BOP1: variants seen among roughly 807,000 people sequenced by gnomAD.
BOP1 encodes the protein ribosome biogenesis protein BOP1.
In BOP1, 54 loss-of-function variants were observed where a neutral mutation model predicts 82.9. The observed-to-expected ratio is 0.65, with a 90% confidence interval of 0.52 to 0.82. The LOEUF is 0.82. Ranked by LOEUF, BOP1 falls within the 40% of genes least tolerant of loss-of-function variation. The pLI, the probability that BOP1 is intolerant of heterozygous loss-of-function variation, is 0.00. For synonymous variants in BOP1, 566 were observed against 451.1 expected (o/e 1.25, Z -3.23); for missense variants, 1,170 against 1,072.0 (o/e 1.09, Z -1.28).
intron 2 of BOP1, among the ~76,000 whole-genome samples, chr8:144,284,603 T>C (rs1814814847): frequency 6.6e-6 from 1 of 152,188 alleles, no homozygotes; most frequent in Non-Finnish European, 1.5e-5. Context: ...TAGAACATCC[T>C]GGAAAGAGAC....
intron 2 of BOP1, among the ~76,000 whole-genome samples, chr8:144,278,937 TC>T (rs1237175874): frequency 1.3e-5 from 2 of 152,180 alleles, no homozygotes; most frequent in African/African-American, 4.8e-5. Context: ...CCGAAAAACA[TC>T]CCTTTTTACT....
chr8:144,262,978 G>A lies in BOP1; in HGVS notation c.1769C>T (p.Ala590Val). 2 of 1,551,730 alleles carry A rather than the reference G, an allele frequency of 1.3e-6. No individual in the cohort carries two copies. Among genetic ancestry groups the A allele is most frequent in the Non-Finnish European group, 1.7e-6 (2 of 1,155,742 alleles). The change falls in exon 13 of 16, where the codon GCC (alanine) becomes GTC (valine). Residue 590 changes from alanine (A) to valine (V), a missense_variant. Coordinates refer to ENST00000569669, the MANE Select transcript of BOP1 (RefSeq NM_015201.5). ...GQVQRVAFHP[A>V]RPFLLVASQR... is the part of the protein sequence containing the mutation. ...GGACGCCACCAACAGGAAGGGCCGG[G>A]CAGGGTGGAAGGCCACTCGCTGCAC...
In BOP1 at chr8:144,264,230, C is replaced by T; in HGVS notation, c.973G>A (p.Glu325Lys). Reference protein sequence around the residue: ...NPPPEYLLSEEERLAWEQQEP... With the variant: ...NPPPEYLLSEKERLAWEQQEP... The stretch of plus-strand genomic sequence containing the variant: ...CCCCCAGGATGCAGGCCCACCTCCT[C>T]CTCGCTGAGCAGGTATTCAGGGGGT... The change falls in exon 7 of 16, where the codon GAG (glutamate) becomes AAG (lysine). Residue 325 changes from glutamate to lysine, a missense_variant. Physicochemically the swap from Glu to Lys is moderately conservative, Grantham distance 56 (BLOSUM62 1). Coordinates refer to ENST00000569669, the MANE Select transcript of BOP1 (RefSeq NM_015201.5). 6.2e-7 allele frequency: 1 copy of T among 1,608,148 alleles called. No homozygotes were observed. Among genetic ancestry groups the T allele is most frequent in the Admixed American group, 1.7e-5 (1 of 59,390 alleles).
intron 1 of BOP1, among the ~76,000 whole-genome samples, chr8:144,290,223 G>A (rs997871892): frequency 4.6e-5 from 7 of 151,892 alleles, no homozygotes; most frequent in Admixed American, 1.3e-4. Flanking sequence ...TGGTGGTGGC[G>A]GGCACCTCTA....
intron 3 of BOP1, among the ~76,000 whole-genome samples, chr8:144,273,863 C>CCTCCGCCTGCT (rs1373533704): frequency 1.3e-5 from 2 of 152,100 alleles, no homozygotes; most frequent in African/African-American, 4.8e-5. Context: ...CGCCCGCCTC[C>CCTCCGCCTGCT]CTCCGCCTGC....
chr8:144,267,096 G>GCCCCCGCCGCCT, intron 3 of BOP1: 1 of 1,403,808 alleles, frequency 7.1e-7, no homozygotes, highest in Non-Finnish European at 9.2e-7. Context: ...CCCCGCCGCC[G>GCCCCCGCCGCCT]CCCCCGCCGC....
In BOP1 at chr8:144,265,079, CG is replaced by C. The variant is rs1845329884; in HGVS notation, c.391-9del. 2 of 1,605,682 alleles carry C rather than the reference CG, an allele frequency of 1.2e-6. No homozygotes were observed. Among genetic ancestry groups the C allele is most frequent in the Non-Finnish European group, 1.7e-6 (2 of 1,175,916 alleles). On this transcript the variant is annotated splice_polypyrimidine_tract_variant and intron_variant, in intron 3 of 15. Transcript: ENST00000569669. ...CACCGTGTTCCGGATGTCCTGCAGC[CG>C]GGGGCCACCATGTCGGCATCTGATC...
chr8:144,288,873 G>A (rs1814957446), intron 2 of BOP1, among the ~76,000 whole-genome samples: 1 of 152,248 alleles, frequency 6.6e-6, no homozygotes, highest in Non-Finnish European at 1.5e-5. Flanking sequence ...TGACGGGGAA[G>A]GGCCTAGGCA....
At chr8:144,276,816 C>T (rs1845574139) in intron 2 of BOP1, among the ~76,000 whole-genome samples, 1 of 152,176 alleles carries the variant, frequency 6.6e-6, no homozygotes, top group Admixed American at 6.5e-5. Context: ...GCGGGGGACA[C>T]ACATTGTCCA....
intron 2 of BOP1, among the ~76,000 whole-genome samples, chr8:144,278,505 C>A (rs1845609768): frequency 1.3e-5 from 2 of 152,250 alleles, no homozygotes; most frequent in East Asian, 3.8e-4. Flanking sequence ...ACGGGCTCTG[C>A]CCTCACCTCC....
At chr8:144,276,366 G>T in intron 2 of BOP1, 62 bp from the exon 3 acceptor site, 1 of 1,579,014 alleles carries the variant, frequency 6.3e-7, no homozygotes, top group Non-Finnish European at 8.6e-7. Flanking sequence ...GACCTTGGGG[G>T]GATCCCAGGA....
At chr8:144,268,405 G>A (rs1845431003) in intron 3 of BOP1, 5 of 582,056 alleles carry the variant, frequency 8.6e-6, no homozygotes, top group East Asian at 2.9e-5. Flanking sequence ...ACTGTGTGAT[G>A]GCATCTTGTG....
At chr8:144,271,412 C>G (rs1258641485) in intron 3 of BOP1, among the ~76,000 whole-genome samples, 3 of 152,086 alleles carry the variant, frequency 2.0e-5, no homozygotes, top group Non-Finnish European at 2.9e-5. Context: ...CCCCCGGGAG[C>G]GTGGGGTCAG....
Position 144,262,656 on chromosome 8 carries a change from A to G in BOP1, c.1911T>C (p.Cys637=), listed in dbSNP as rs1845235363. ...ACACCAGCTTGCTATCGTAGCTCCC[A>G]CAGATGACGTTGTCACCTAGGGCCA... The part of the protein sequence containing the change: ...AVHPAGDNVI[C]GSYDSKLVWF... The change falls in exon 14 of 16, where the codon TGT becomes TGC. Residue 637 remains cysteine (C), a synonymous_variant. Coordinates refer to ENST00000569669, the MANE Select transcript of BOP1 (RefSeq NM_015201.5). The G allele has an allele frequency of 6.2e-7, 1 of 1,613,300 alleles. No homozygotes were observed. The highest frequency in any genetic ancestry group is 1.7e-5 in the Admixed American group (1 of 59,994).
At position 144,265,017 on chromosome 8, in the gene BOP1, G is replaced by C; in HGVS notation, c.445C>G (p.His149Asp). 4.3e-6 allele frequency: 7 copies of C among 1,612,314 alleles called. No homozygotes were observed. The highest frequency in any genetic ancestry group is 5.9e-6 in the Non-Finnish European group (7 of 1,179,736). ...CTGCCATCCAGGTCGTAGCCCACGT[G>C]GGGGAAGTCATCGTACCACTCCAAG... ...VPLEWYDDFP[H>D]VGYDLDGRRI... The change falls in exon 4 of 16, where the codon CAC becomes GAC. Residue 149 changes from histidine (H) to aspartate (D), a missense_variant. Coordinates refer to ENST00000569669, the MANE Select transcript of BOP1 (RefSeq NM_015201.5).
intron 2 of BOP1, among the ~76,000 whole-genome samples, chr8:144,282,798 G>A (rs559863910): frequency 1.3e-5 from 2 of 152,184 alleles, no homozygotes; most frequent in South Asian, 4.2e-4. Context: ...GGGAGGAGCT[G>A]CAAAGGGCAC....
At chr8:144,274,737 G>C (rs1021953609) in intron 3 of BOP1, among the ~76,000 whole-genome samples, 2 of 152,232 alleles carry the variant, frequency 1.3e-5, no homozygotes, top group African/African-American at 4.8e-5. Context: ...CCCGGCAGGC[G>C]GCGGTGGCAC....
At chr8:144,266,877 C>T (rs2130209775) in intron 3 of BOP1, 10 of 1,499,096 alleles carry the variant, frequency 6.7e-6, no homozygotes, top group South Asian at 2.4e-5. Flanking sequence ...GAGACCGCAC[C>T]AACAGCGTGA....
At chr8:144,263,655 GC>G (rs1349399425) in intron 10 of BOP1, 36 bp downstream of exon 10, 1 of 1,601,512 alleles carries the variant, frequency 6.2e-7, no homozygotes. Context: ...CATCCCACCT[GC>G]CCCCCAGCTC....
Sources: allele counts gnomAD v4.1 joint callset (sites outside exome capture counted in the v4.1 genomes callset), GRCh38; gene constraint gnomAD v4.1.1; transcripts MANE v1.5; gene names NCBI Gene and HGNC (gene_info 2026-07-23, HGNC 2026-07-21).